Variants in GPC5 observed in about 807,000 individuals in gnomAD.
GPC5 encodes glypican-5.
GPC5 carries 47 observed loss-of-function variants against 53.9 expected under a neutral mutation model. That is an observed-to-expected ratio of 0.87 (90% confidence interval 0.69 to 1.11). The LOEUF is 1.11. Ranked by LOEUF, GPC5 falls within the 50% of genes most tolerant of loss-of-function variation. The pLI is 0.00. For missense variants in GPC5, 748 were observed against 713.1 expected (o/e 1.05, Z -0.56); for synonymous variants, 286 against 263.3 (o/e 1.09, Z -0.84).
At position 92,269,607 on chromosome 13, in the gene GPC5, C is replaced by T. The variant is rs184549177; in HGVS notation, c.1561+124618C>T. ...ATTTTTAGTAGAGACGGGATTTCAC[C>T]ATGTTAGCCAGGATGGTCTCGATCT... On this transcript the variant is annotated intron_variant, in intron 7 of 7. Transcript: ENST00000377067. Among the ~76,000 whole-genome samples the T allele has an allele frequency of 2.0e-4, 30 of 152,186 alleles. No homozygotes were observed. The East Asian group carries it at 5.4e-3, about 28-fold the overall frequency.
chr13:92,178,258 A>G (rs1187449185), intron 7 of GPC5, among the ~76,000 whole-genome samples: 1 of 152,122 alleles, frequency 6.6e-6, no homozygotes, highest in Non-Finnish European at 1.5e-5. Context: ...GTAGTCAAAC[A>G]AAAATCCTGA....
At chr13:91,671,897 A>C (rs1216056519) in intron 2 of GPC5, among the ~76,000 whole-genome samples, 1 of 152,034 alleles carries the variant, frequency 6.6e-6, no homozygotes, top group Non-Finnish European at 1.5e-5. Context: ...AAACAGACAT[A>C]GAGACCAAGG....
chr13:92,709,213 ATT>A (rs879838843), intron 7 of GPC5, among the ~76,000 whole-genome samples: 24 of 135,502 alleles, frequency 1.8e-4, no homozygotes, highest in African/African-American at 1.9e-4. Context: ...CGCCCAGCTA[ATT>A]TTTTTTTTTT....
intron 7 of GPC5, among the ~76,000 whole-genome samples, chr13:92,829,800 C>T (rs1422318586): frequency 6.6e-6 from 1 of 152,084 alleles, no homozygotes; most frequent in African/African-American, 2.4e-5. Context: ...TTCATACCTT[C>T]ATGATTCTTT....
chr13:91,652,896 C>A (rs1042093108), intron 2 of GPC5, among the ~76,000 whole-genome samples: 2 of 152,142 alleles, frequency 1.3e-5, no homozygotes, highest in African/African-American at 4.8e-5. Flanking sequence ...TTGGGGAGAT[C>A]TTTTGACACA....
intron 7 of GPC5, among the ~76,000 whole-genome samples, chr13:92,288,454 A>G (rs1429488436): frequency 6.6e-6 from 1 of 152,188 alleles, no homozygotes. Context: ...TTACTTGTCC[A>G]AACTGTTTTC....
intron 2 of GPC5, among the ~76,000 whole-genome samples, chr13:91,536,069 T>C (rs1886578352): frequency 6.6e-6 from 1 of 152,236 alleles, no homozygotes; most frequent in Non-Finnish European, 1.5e-5. Flanking sequence ...ATTTATGTTT[T>C]CATTTCTCTT....
chr13:92,514,205 A>C (rs530528262), intron 7 of GPC5, among the ~76,000 whole-genome samples: 47 of 129,164 alleles, frequency 3.6e-4, no homozygotes, highest in Non-Finnish European at 4.8e-4. Context: ...GTCTGCTCCA[A>C]TGTAAAACAC....
rs1594171616 is a variant in GPC5, at chr13:92,402,705, G to C, written c.1561+257716G>C. 1.3e-5 allele frequency among the ~76,000 whole-genome samples: 2 copies of C among 152,142 alleles called. 1 individual carries two copies. Among genetic ancestry groups the C allele is most frequent in the African/African-American group, 4.8e-5 (2 of 41,412 alleles). On this transcript the variant is annotated intron_variant, in intron 7 of 7. Coordinates refer to ENST00000377067, the MANE Select transcript of GPC5 (RefSeq NM_004466.6). ...TTCTATTTGGTTAGGCTTGTGGCTT[G>C]TTGTTGAGTCAAAGTGGAAGCCAAA...
In GPC5 at chr13:92,553,784, T is replaced by A. The variant is rs541763516; in HGVS notation, c.1562-312498T>A. ...TCAACTTTATACAAACATGGAAAAA[T>A]TTATGTGGGTCACAGCCTAAGTCCT... On this transcript the variant is annotated intron_variant, in intron 7 of 7. Coordinates refer to ENST00000377067, the MANE Select transcript of GPC5 (RefSeq NM_004466.6). Among the ~76,000 whole-genome samples the A allele has an allele frequency of 1.2e-4, 18 of 151,982 alleles. No homozygotes were observed. The South Asian group carries it at 1.9e-3, about 16-fold the overall frequency.
chr13:91,536,588 G>T, intron 2 of GPC5, among the ~76,000 whole-genome samples: 1 of 152,168 alleles, frequency 6.6e-6, no homozygotes, highest in East Asian at 1.9e-4. Context: ...CCTTCTGAGG[G>T]TTGTGAGGGA....
At chr13:91,626,777 G>A (rs1017487314) in intron 2 of GPC5, among the ~76,000 whole-genome samples, 5 of 151,890 alleles carry the variant, frequency 3.3e-5, no homozygotes, top group Admixed American at 6.6e-5. Flanking sequence ...CCATTAACTC[G>A]TCATTTACAT....
intron 7 of GPC5, among the ~76,000 whole-genome samples, chr13:92,332,534 T>A (rs575749798): frequency 6.6e-6 from 1 of 152,190 alleles, no homozygotes; most frequent in Non-Finnish European, 1.5e-5. Context: ...ACTGGAGTTA[T>A]GGGAACAAGT....
intron 7 of GPC5, among the ~76,000 whole-genome samples, chr13:92,551,308 A>AG (rs1355088938): frequency 2.0e-5 from 3 of 151,764 alleles, no homozygotes; most frequent in Non-Finnish European, 4.4e-5. Context: ...AGAAAAAAAA[A>AG]AAGAGAGCGA....
chr13:91,716,742 T>G (rs1437140037), intron 3 of GPC5, among the ~76,000 whole-genome samples: 1 of 152,186 alleles, frequency 6.6e-6, no homozygotes, highest in African/African-American at 2.4e-5. Context: ...ATGTGAGGAA[T>G]GACAAAGGCA....
intron 7 of GPC5, among the ~76,000 whole-genome samples, chr13:92,269,534 T>C (rs560007461): frequency 5.2e-4 from 79 of 152,270 alleles, no homozygotes; most frequent in Non-Finnish European, 7.8e-4. Flanking sequence ...GCCTCCCAAG[T>C]AGCTGGGACT....
At chr13:92,319,201 C>A (rs2043199671) in intron 7 of GPC5, among the ~76,000 whole-genome samples, 1 of 152,044 alleles carries the variant, frequency 6.6e-6, no homozygotes, top group Admixed American at 6.6e-5. Flanking sequence ...GTATTTCTAA[C>A]AAGTGAGGAT....
intron 7 of GPC5, among the ~76,000 whole-genome samples, chr13:92,165,588 C>T (rs1282019214): frequency 1.3e-5 from 2 of 152,170 alleles, no homozygotes; most frequent in African/African-American, 4.8e-5. Flanking sequence ...AACAAACTCA[C>T]TATCATGAGA....
chr13:92,039,089 G>C (rs1223077387), intron 6 of GPC5, among the ~76,000 whole-genome samples: 2 of 152,226 alleles, frequency 1.3e-5, no homozygotes, highest in Non-Finnish European at 2.9e-5. Context: ...AATTTAGGAA[G>C]TGTAGTGGGA....
Sources: gnomAD v4.1 joint callset for allele counts (sites outside exome capture counted in the v4.1 genomes callset) on GRCh38, gnomAD v4.1.1 for gene constraint, MANE v1.5 for transcripts, NCBI Gene and HGNC (gene_info 2026-07-23, HGNC 2026-07-21) for gene names.